The following PAM variants were observed in gnomAD, a reference collection of about 807,000 sequenced individuals.
The protein encoded by PAM is peptidyl-glycine alpha-amidating monooxygenase.
In PAM, 72 loss-of-function variants were observed where a neutral mutation model predicts 122.1. The ratio of observed to expected loss-of-function variants is 0.59; its 90% confidence interval spans 0.49 to 0.72. The LOEUF is 0.72. Ranked by LOEUF, PAM falls within the 30% of genes least tolerant of loss-of-function variation. PAM has a pLI of 0.00. For synonymous variants in PAM, 389 were observed against 404.4 expected, an observed-to-expected ratio of 0.96 and a Z score of 0.46; for missense variants, 1,106 against 1,183.7, an observed-to-expected ratio of 0.93 and a Z score of 0.96.
intron 1 of PAM, among the ~76,000 whole-genome samples, chr5:102,814,201 A>C (rs1468155836): frequency 1.3e-5 from 2 of 152,210 alleles, no homozygotes; most frequent in Non-Finnish European, 2.9e-5. Flanking sequence ...CAAAGATTTT[A>C]GTAAATTCAA....
intron 1 of PAM, among the ~76,000 whole-genome samples, chr5:102,843,377 A>G (rs896651472): frequency 6.6e-6 from 1 of 152,208 alleles, no homozygotes; most frequent in Non-Finnish European, 1.5e-5. Context: ...CGAACACAAA[A>G]TAGATCACAG....
Position 102,959,998 on chromosome 5 carries a change from A to G in PAM, c.1029A>G (p.Pro343=). 1 of 1,612,366 alleles carries G rather than the reference A, an allele frequency of 6.2e-7. No homozygotes were observed. Among genetic ancestry groups the G allele is most frequent in the East Asian group, 2.2e-5 (1 of 44,842 alleles). The change falls in exon 13 of 26, where the codon CCA becomes CCG. Residue 343 remains proline (P), a synonymous_variant. Transcript: ENST00000438793. ...CAGATATGTTCAGAACCATACCACC[A>G]GAGGCCAACATTCCAATTCCCGTGA... ...VAPDMFRTIP[P]EANIPIPVKS... is the part of the protein sequence containing the mutation.
rs189745981 is a variant in PAM at position 102,930,763 on chromosome 5, G to T, written c.526+4095G>T. ...AGCCTTATGAAGAAAGTATGGGGCT[G>T]TAGGTGGCCAGAGTGAGCTAGGATT... On this transcript the variant is annotated intron_variant, in intron 7 of 25. Transcript: ENST00000438793. 3.9e-5 allele frequency among the ~76,000 whole-genome samples: 6 copies of T among 152,332 alleles called. No homozygotes were observed. The East Asian group carries it at 1.2e-3, about 29-fold the overall frequency.
chr5:103,011,991 T>C (rs895647582), intron 21 of PAM, among the ~76,000 whole-genome samples: 1 of 152,232 alleles, frequency 6.6e-6, no homozygotes, highest in Non-Finnish European at 1.5e-5. Context: ...GTAGTTTCGA[T>C]TTGCATTTCT....
chr5:103,000,957 A>C (rs1306715294), intron 16 of PAM, among the ~76,000 whole-genome samples: 1 of 149,600 alleles, frequency 6.7e-6, no homozygotes, highest in Non-Finnish European at 1.5e-5. Context: ...TAGGAGAACA[A>C]AAAAAAATTA....
At chr5:102,802,133 A>T (rs1192582992) in intron 1 of PAM, among the ~76,000 whole-genome samples, 25 of 152,214 alleles carry the variant, frequency 1.6e-4, no homozygotes, top group Admixed American at 1.6e-3. Context: ...ATGGGAACTT[A>T]TCTTAAACTA....
At chr5:102,807,832 C>T (rs1294023531) in intron 1 of PAM, among the ~76,000 whole-genome samples, 2 of 152,150 alleles carry the variant, frequency 1.3e-5, no homozygotes, top group East Asian at 1.9e-4. Flanking sequence ...CCTGTGCCTT[C>T]GTCAGAGCTT....
chr5:102,862,483 G>GT (rs1463433130), intron 1 of PAM, among the ~76,000 whole-genome samples: 3 of 152,048 alleles, frequency 2.0e-5, no homozygotes, highest in African/African-American at 7.2e-5. Flanking sequence ...CAGTTTAATC[G>GT]TAAGTCATTC....
chr5:102,955,296 C>T (rs1296259820), intron 12 of PAM, among the ~76,000 whole-genome samples: 2 of 151,796 alleles, frequency 1.3e-5, no homozygotes, highest in Non-Finnish European at 2.9e-5. Context: ...AATAAAAGCT[C>T]TCATGGAACC....
At chr5:102,814,416 G>A (rs899542012) in intron 1 of PAM, among the ~76,000 whole-genome samples, 1 of 151,880 alleles carries the variant, frequency 6.6e-6, no homozygotes, top group Non-Finnish European at 1.5e-5. Context: ...ATGCCCTCAC[G>A]TGGGTGATGG....
chr5:102,929,390 T>C (rs1156947160), intron 7 of PAM, among the ~76,000 whole-genome samples: 2 of 152,202 alleles, frequency 1.3e-5, no homozygotes, highest in Non-Finnish European at 2.9e-5. Flanking sequence ...TTATGTTATG[T>C]ACATATTATA....
At chr5:102,923,307 G>T (rs957419322) in intron 5 of PAM, among the ~76,000 whole-genome samples, 10 of 152,144 alleles carry the variant, frequency 6.6e-5, no homozygotes, top group African/African-American at 2.2e-4. Flanking sequence ...TGCAACGTGG[G>T]TGTTTTCTGT....
intron 15 of PAM, among the ~76,000 whole-genome samples, chr5:102,984,860 A>C (rs962410371): frequency 6.6e-6 from 1 of 152,194 alleles, no homozygotes; most frequent in Admixed American, 6.5e-5. Flanking sequence ...AAAATTTTAA[A>C]AATAGAAATT....
At chr5:102,957,399 C>A (rs1761091268) in intron 12 of PAM, among the ~76,000 whole-genome samples, 1 of 152,162 alleles carries the variant, frequency 6.6e-6, no homozygotes, top group Non-Finnish European at 1.5e-5. Flanking sequence ...CCACGCCCCC[C>A]ACCCCACCAT....
At chr5:102,908,470 C>G (rs934219568) in intron 4 of PAM, among the ~76,000 whole-genome samples, 1 of 150,392 alleles carries the variant, frequency 6.6e-6, no homozygotes, top group Non-Finnish European at 1.5e-5. Context: ...TTTTTTGGTT[C>G]CATATGAACC....
intron 16 of PAM, among the ~76,000 whole-genome samples, chr5:102,991,250 A>C (rs1449667701): frequency 6.6e-6 from 1 of 152,172 alleles, no homozygotes; most frequent in Admixed American, 6.6e-5. Flanking sequence ...TGGAATTGTA[A>C]GCATGTTCAT....
intron 16 of PAM, among the ~76,000 whole-genome samples, chr5:102,999,654 G>A (rs940179796): frequency 3.9e-5 from 6 of 152,220 alleles, no homozygotes; most frequent in Admixed American, 2.6e-4. Flanking sequence ...CTAGGCAGAG[G>A]TTCCCAAACC....
At chr5:102,886,722 A>G (rs1198233986) in intron 3 of PAM, among the ~76,000 whole-genome samples, 3 of 152,036 alleles carry the variant, frequency 2.0e-5, no homozygotes, top group African/African-American at 4.8e-5. Context: ...CAATGACTGC[A>G]TCTTACTCAT....
At chr5:102,795,189 C>CAAAAAAAAAAAAAAAAAAAAAAGAAA (rs1763058523) in intron 1 of PAM, among the ~76,000 whole-genome samples, 1 of 59,682 alleles carries the variant, frequency 1.7e-5, no homozygotes, top group Non-Finnish European at 3.0e-5. Flanking sequence ...GACAATGTCT[C>CAAAAAAAAAAAAAAAAAAAAAAGAAA]AAAAAAAAAA....
Sources: gnomAD v4.1 joint callset for allele counts (sites outside exome capture counted in the v4.1 genomes callset) on GRCh38, gnomAD v4.1.1 for gene constraint, MANE v1.5 for transcripts, NCBI Gene and HGNC (gene_info 2026-07-23, HGNC 2026-07-21) for gene names.